The following CNOT3 variants were observed in gnomAD, a reference collection of about 807,000 sequenced individuals.
The protein encoded by CNOT3 is CCR4-associated factor 3.
In CNOT3, 2 loss-of-function variants were observed where a neutral mutation model predicts 89.4. The ratio of observed to expected loss-of-function variants is 0.02; its 90% CI spans 0.01 to 0.07. The LOEUF is 0.07. CNOT3 is among the 10% of genes least tolerant of loss of function. The pLI, the probability that CNOT3 is intolerant of heterozygous loss-of-function variation, is 1.00. For missense variants in CNOT3, 664 were observed against 1,010.2 expected (o/e 0.66, Z 4.65); for synonymous variants, 486 against 402.0 (o/e 1.21, Z -2.50).
intron 3 of CNOT3, 110 bp downstream of exon 3, chr19:54,143,296 T>G: frequency 8.8e-7 from 1 of 1,140,684 alleles, no homozygotes. Flanking sequence ...ATGCAGATGC[T>G]GAGGACCTAA....
chr19:54,150,567 T>C (rs1301039311), intron 13 of CNOT3, among the ~76,000 whole-genome samples: 1 of 84,190 alleles, frequency 1.2e-5, no homozygotes, highest in Non-Finnish European at 3.1e-5. Context: ...GACCAGTGTG[T>C]ATGCCCAGGC....
rs2074513839 is a variant in CNOT3, at chr19:54,142,971, CA to C, written c.-7del. The C allele has an allele frequency of 6.2e-7, 1 of 1,613,784 alleles. No individual in the cohort carries two copies. The highest frequency in any genetic ancestry group is 1.3e-5 in the African/African-American group (1 of 74,930). ...GTATGAAGAGAGTGCGTCTGTAGGG[CA>C]GGGAAGATGGCGGACAAGCGCAAAC... On this transcript the variant is annotated 5_prime_UTR_variant, in exon 2 of 18. Transcript: ENST00000221232.
In CNOT3 at chr19:54,143,595, G is replaced by A. The variant is rs2146570234; in HGVS notation, c.169-65G>A. On this transcript the variant is annotated intron_variant, in intron 4 of 17. Transcript: ENST00000221232. ...AGAGTGGACTGCTGGGTCCCAGGGA[G>A]AAGGAGCTGTGGGCCCCAGTTCCTG... 8 of 1,603,828 alleles carry A rather than the reference G, an allele frequency of 5.0e-6. No individual in the cohort carries two copies. In the East Asian group the frequency reaches 1.1e-4, roughly 22 times the overall value.
At chr19:54,139,374 G>A (rs1283039909) in intron 1 of CNOT3, among the ~76,000 whole-genome samples, 1 of 152,102 alleles carries the variant, frequency 6.6e-6, no homozygotes, top group Admixed American at 6.5e-5. Context: ...CCTTACGCTG[G>A]GTGTCAGCAG....
Position 54,148,278 on chromosome 19 carries a change from G to C in CNOT3, c.1025G>C (p.Gly342Ala). The change falls in exon 11 of 18, where the codon GGG (glycine) becomes GCG (alanine). Residue 342 changes from glycine to alanine, a missense_variant. This residue lies in a region of CNOT3 where 545 missense variants were observed against 566.2 expected (regional missense o/e 0.96). Coordinates refer to ENST00000221232, the MANE Select transcript of CNOT3 (RefSeq NM_014516.4). The surrounding 1 kb of genome is among the most constrained non-coding windows in gnomAD (Gnocchi z 6.3). ...SALSTTPGNN[G>A]VPAPAAPPSA... ...TTGAGCACCACTCCTGGCAACAATG[G>C]GGTCCCCGCCCCCGCAGCACCCCCA... 1.2e-6 allele frequency: 2 copies of C among 1,608,032 alleles called. No homozygotes were observed. Among genetic ancestry groups the C allele is most frequent in the African/African-American group, 1.3e-5 (1 of 74,732 alleles).
At position 54,155,518 on chromosome 19, in the gene CNOT3, C is replaced by T. The variant is rs369969117; in HGVS notation, c.*111C>T. 26 of 928,412 alleles carry T rather than the reference C, an allele frequency of 2.8e-5. No individual in the cohort carries two copies. Among genetic ancestry groups the T allele is most frequent in the Non-Finnish European group, 3.7e-5 (23 of 624,074 alleles). 57.5% of individuals were successfully genotyped at this position (928,412 alleles called of 1,614,324 possible). The stretch of plus-strand genomic sequence containing the variant: ...GAGGCCCCAAGCCACGGGGCATCCC[C>T]CTCTCCCAGGAAGCAGGGAGGGGGC... On this transcript the variant is annotated 3_prime_UTR_variant, in exon 18 of 18. Transcript: ENST00000221232.
chr19:54,138,774 C>T (rs2074329166), intron 1 of CNOT3, among the ~76,000 whole-genome samples: 1 of 152,254 alleles, frequency 6.6e-6, no homozygotes, highest in African/African-American at 2.4e-5. Context: ...CCCTGGGTGG[C>T]TCCAGCCTCG....
intron 13 of CNOT3, among the ~76,000 whole-genome samples, chr19:54,150,316 G>C (rs1265210720): frequency 6.6e-6 from 1 of 152,160 alleles, no homozygotes; most frequent in Admixed American, 6.5e-5. Context: ...GGGGCTAACA[G>C]CTGCAGGAAG....
At position 54,148,113 on chromosome 19, in the gene CNOT3, C is replaced by G. The variant is rs747333221; in HGVS notation, c.895-35C>G. 3 of 1,393,556 alleles carry G rather than the reference C, an allele frequency of 2.2e-6. No individual in the cohort carries two copies. The South Asian group carries it at 5.1e-5, about 24-fold the overall frequency. 86.3% of individuals were successfully genotyped at this position (1,393,556 alleles called of 1,614,324 possible). A position where few individuals can be genotyped will look rare whatever the true frequency, so the allele number is the denominator to read the frequency against. ...GTGGTGAGGGAGACCAGCTGGCCCACTGGGTCCTGACCCTCTGCTCTCTCC... is the reference window on the plus strand; with the variant it reads ...GTGGTGAGGGAGACCAGCTGGCCCAGTGGGTCCTGACCCTCTGCTCTCTCC... On this transcript the variant is annotated intron_variant, in intron 10 of 17. Transcript: ENST00000221232. The surrounding 1 kb of genome is among the most constrained non-coding windows in gnomAD (Gnocchi z 6.3).
intron 10 of CNOT3, among the ~76,000 whole-genome samples, chr19:54,147,568 A>C (rs1171513940): frequency 6.6e-6 from 1 of 152,168 alleles, no homozygotes; most frequent in Non-Finnish European, 1.5e-5. Flanking sequence ...GGCTGGAAAG[A>C]AGCCCAGGAG....
Position 54,143,459 on chromosome 19 carries a change from C to T in CNOT3, c.111C>T (p.Asn37=), listed in dbSNP as rs780015397. The stretch of plus-strand genomic sequence containing the variant: ...TCCCTCAGCTCCACAATGCAGCCAA[C>T]GCGAACCAGAAAGAAAAGTATGAGG... ...DIWQKLHNAA[N]ANQKEKYEAD... The change falls in exon 4 of 18, where the codon AAC becomes AAT. Residue 37 remains asparagine (N), a synonymous_variant. Transcript: ENST00000221232. The T allele has an allele frequency of 3.8e-5, 61 of 1,613,764 alleles. No individual in the cohort carries two copies. The Middle Eastern group carries it at 8.2e-4, about 22-fold the overall frequency.
intron 13 of CNOT3, among the ~76,000 whole-genome samples, chr19:54,150,690 C>T (rs2075042331): frequency 7.6e-6 from 1 of 130,880 alleles, no homozygotes; most frequent in African/African-American, 2.7e-5. Context: ...TGGGAAACGG[C>T]AATAGTCACG....
Position 54,137,868 on chromosome 19 carries a change from A to G in CNOT3, c.-176A>G, listed in dbSNP as rs2146503793. 1 of 149,932 alleles carries G rather than the reference A, an allele frequency of 6.7e-6. No individual in the cohort carries two copies. The highest frequency in any genetic ancestry group is 2.5e-5 in the African/African-American group (1 of 40,632). The allele number at this position is 149,932 out of a possible 1,614,324, so 9.3% of individuals were successfully genotyped here. On this transcript the variant is annotated 5_prime_UTR_variant, in exon 1 of 18. Transcript: ENST00000221232. ...GAACAACCCCGGGCCCACTCCCCCAACCCCACTTCCGCTTCGCGCCGCTAT... is the reference window on the plus strand; with the variant it reads ...GAACAACCCCGGGCCCACTCCCCCAGCCCCACTTCCGCTTCGCGCCGCTAT...
In CNOT3 at chr19:54,148,416, C is replaced by G. The variant is rs1311643968; in HGVS notation, c.1163C>G (p.Pro388Arg). The change falls in exon 11 of 18, where the codon CCC (proline) becomes CGC (arginine). Residue 388 changes from proline (P) to arginine (R), a missense_variant. Transcript: ENST00000221232. This position sits in a 1 kb window ranked among gnomAD's most constrained non-coding sequence, Gnocchi z 6.3. ...PAPSGPSTTQPRPPSVQPSGG... is the reference protein window; with the variant it reads ...PAPSGPSTTQRRPPSVQPSGG... ...CCCAGTGGGCCCAGCACGACCCAGC[C>G]CCGGCCCCCCAGCGTCCAGCCTAGC... The G allele has an allele frequency of 6.4e-7, 1 of 1,564,684 alleles. No homozygotes were observed. Among genetic ancestry groups the G allele is most frequent in the Non-Finnish European group, 8.7e-7 (1 of 1,153,646 alleles).
chr19:54,141,487 TGTG>T (rs1272898278), intron 1 of CNOT3: 1 of 152,226 alleles, frequency 6.6e-6, no homozygotes. Flanking sequence ...GCTAGTCACA[TGTG>T]GTGATTAGTA....
intron 10 of CNOT3, among the ~76,000 whole-genome samples, chr19:54,147,375 G>C (rs1213783588): frequency 6.6e-6 from 1 of 152,204 alleles, no homozygotes; most frequent in Admixed American, 6.5e-5. Context: ...GGACCCGCAG[G>C]TAGTAGTGAG....
intron 13 of CNOT3, among the ~76,000 whole-genome samples, chr19:54,150,990 C>T (rs1036898505): frequency 6.6e-6 from 1 of 152,026 alleles, no homozygotes; most frequent in Non-Finnish European, 1.5e-5. Flanking sequence ...GGGGTTTTGC[C>T]ATGTTGGTCA....
In CNOT3 at chr19:54,152,248, T is replaced by G; in HGVS notation, c.1628T>G (p.Leu543Trp). The G allele has an allele frequency of 1.9e-6, 3 of 1,614,128 alleles. No homozygotes were observed. The highest frequency in any genetic ancestry group is 2.5e-6 in the Non-Finnish European group (3 of 1,180,012). ...CAGGCCCCTGAGCCTCTGAGCTCCTTGAAGTCCATGGCGGAACGGGCAGCC... is the reference window on the plus strand; with the variant it reads ...CAGGCCCCTGAGCCTCTGAGCTCCTGGAAGTCCATGGCGGAACGGGCAGCC... ...EIKAPEPLSS[L>W]KSMAERAAIS... The change falls in exon 14 of 18, where the codon TTG becomes TGG. Residue 543 changes from leucine (L) to tryptophan (W), a missense_variant. By Grantham distance (61) the Leu-to-Trp change is moderately conservative. This residue lies in a region of CNOT3 where 545 missense variants were observed against 566.2 expected (regional missense o/e 0.96). Coordinates refer to ENST00000221232, the MANE Select transcript of CNOT3 (RefSeq NM_014516.4).
At chr19:54,143,949 C>T in intron 5 of CNOT3, 57 bp from the exon 6 acceptor site, 1 of 1,577,690 alleles carries the variant, frequency 6.3e-7, no homozygotes, top group Admixed American at 2.1e-5. Context: ...TCTGCTGGCC[C>T]TTAGTCAGCT....
Sources: allele counts gnomAD v4.1 joint callset (sites outside exome capture counted in the v4.1 genomes callset), GRCh38; gene constraint gnomAD v4.1.1; regional missense constraint gnomAD v4.1.1; non-coding constraint Gnocchi (gnomAD v3.1); transcripts MANE v1.5; gene names NCBI Gene and HGNC (gene_info 2026-07-23, HGNC 2026-07-21).